The following DOCK2 variants were observed in gnomAD, a reference collection of about 807,000 sequenced individuals.
DOCK2 encodes the protein dedicator of cytokinesis protein 2.
Under a neutral mutation model 248.9 loss-of-function variants are expected in DOCK2, and 87 were observed. The observed-to-expected ratio is 0.35, with a 90% confidence interval of 0.29 to 0.42. DOCK2 has a LOEUF of 0.42. Ranked by LOEUF, DOCK2 falls within the 10% of genes least tolerant of loss-of-function variation. The pLI is 1.00. For synonymous variants in DOCK2, 805 were observed against 821.6 expected (o/e 0.98, Z 0.35); for missense variants, 1,747 against 2,300.2 (o/e 0.76, Z 4.92).
At chr5:169,810,094 G>C (rs1767644811) in intron 26 of DOCK2, among the ~76,000 whole-genome samples, 1 of 152,010 alleles carries the variant, frequency 6.6e-6, no homozygotes, top group Admixed American at 6.5e-5. Context: ...CCTGGCTCTT[G>C]AAGCTATCTG....
At chr5:170,053,496 T>C (rs924799054) in intron 41 of DOCK2, among the ~76,000 whole-genome samples, 5 of 152,220 alleles carry the variant, frequency 3.3e-5, no homozygotes, top group African/African-American at 1.2e-4. Flanking sequence ...TTTCCCTCCA[T>C]TGAAAACTCT....
At chr5:170,019,256 G>A in intron 33 of DOCK2, 148 bp downstream of exon 33, 3 of 1,264,376 alleles carry the variant, frequency 2.4e-6, no homozygotes, top group Non-Finnish European at 2.2e-6. Flanking sequence ...GAATGAGCTG[G>A]CAGATCAGAT....
intron 28 of DOCK2, 96 bp from the exon 29 acceptor site, chr5:169,985,732 C>A: frequency 1.1e-6 from 1 of 903,034 alleles, no homozygotes. Flanking sequence ...CCCTTTTCCT[C>A]CCTCCAAAAT....
At chr5:169,738,318 G>C (rs1763145424) in intron 22 of DOCK2, among the ~76,000 whole-genome samples, 1 of 152,186 alleles carries the variant, frequency 6.6e-6, no homozygotes, top group African/African-American at 2.4e-5. Context: ...AAGAAAATAA[G>C]AGAGAGGGAA....
intron 7 of DOCK2, 26 bp downstream of exon 7, chr5:169,681,905 C>T: frequency 6.2e-7 from 1 of 1,610,130 alleles, no homozygotes; most frequent in Non-Finnish European, 8.5e-7. Context: ...TAGGCTTTGG[C>T]CAAGTGATAC....
chr5:169,716,737 G>C (rs567206106), intron 20 of DOCK2, among the ~76,000 whole-genome samples: 91 of 152,184 alleles, frequency 6.0e-4, no homozygotes, highest in African/African-American at 2.1e-3. Flanking sequence ...AACTTTTCAT[G>C]ATGCTGTACC....
chr5:169,781,616 C>G (rs1350587743), intron 25 of DOCK2, among the ~76,000 whole-genome samples: 1 of 152,224 alleles, frequency 6.6e-6, no homozygotes, highest in Non-Finnish European at 1.5e-5. Context: ...ACATGAAAGA[C>G]ACAGAAGGAC....
At chr5:170,075,726 G>C (rs982822440) in intron 46 of DOCK2, 1 of 549,896 alleles carries the variant, frequency 1.8e-6, no homozygotes, top group Non-Finnish European at 3.2e-6. Context: ...TATGAGGCAA[G>C]GGAAGCTGGG....
chr5:169,798,118 T>G (rs1292971225), intron 25 of DOCK2, among the ~76,000 whole-genome samples: 1 of 152,222 alleles, frequency 6.6e-6, no homozygotes, highest in Non-Finnish European at 1.5e-5. Flanking sequence ...CTTCTCCTAG[T>G]GCCTGGTCTG....
At chr5:169,974,549 C>T (rs1777645062) in intron 27 of DOCK2, among the ~76,000 whole-genome samples, 1 of 152,172 alleles carries the variant, frequency 6.6e-6, no homozygotes, top group African/African-American at 2.4e-5. Context: ...GACACCTTTA[C>T]CCACAGAAGG....
chr5:169,786,814 A>G (rs1404449855), intron 25 of DOCK2, among the ~76,000 whole-genome samples: 2 of 152,242 alleles, frequency 1.3e-5, no homozygotes, highest in Admixed American at 1.3e-4. Flanking sequence ...TATATTTTAT[A>G]TAAAATTAAA....
At chr5:170,077,944 C>T in intron 48 of DOCK2, 107 bp downstream of exon 48, 2 of 936,746 alleles carry the variant, frequency 2.1e-6, no homozygotes, top group Non-Finnish European at 1.6e-6. Flanking sequence ...TTCCCTTCCT[C>T]CTTTCAGTTT....
At chr5:169,932,329 A>G (rs1775794730) in intron 27 of DOCK2, among the ~76,000 whole-genome samples, 1 of 152,170 alleles carries the variant, frequency 6.6e-6, no homozygotes, top group Non-Finnish European at 1.5e-5. Flanking sequence ...TCTAAGAGGT[A>G]GGAAGTGGTT....
At chr5:170,071,477 T>A (rs1459588052) in intron 46 of DOCK2, among the ~76,000 whole-genome samples, 3 of 152,268 alleles carry the variant, frequency 2.0e-5, no homozygotes. Flanking sequence ...TCAACGTTTT[T>A]GCAGATTTCA....
chr5:170,047,470 A>G (rs750142506), intron 39 of DOCK2, 40 bp from the exon 40 acceptor site: 13 of 1,584,250 alleles, frequency 8.2e-6, no homozygotes, highest in Non-Finnish European at 1.1e-5. Context: ...TGCCTTTGAT[A>G]CACATCTGTG....
chr5:169,900,259 T>C (rs1773847459), intron 27 of DOCK2, among the ~76,000 whole-genome samples: 1 of 152,190 alleles, frequency 6.6e-6, no homozygotes, highest in African/African-American at 2.4e-5. Flanking sequence ...TTGGGACCTT[T>C]AGACAACCCT....
At chr5:169,693,082 C>T (rs865875778) in intron 9 of DOCK2, among the ~76,000 whole-genome samples, 8 of 152,018 alleles carry the variant, frequency 5.3e-5, no homozygotes, top group East Asian at 1.9e-4. Context: ...GGGCCTCTGT[C>T]GCTCTGAAAG....
At chr5:169,905,343 C>T (rs1214038692) in intron 27 of DOCK2, among the ~76,000 whole-genome samples, 1 of 149,478 alleles carries the variant, frequency 6.7e-6, no homozygotes, top group African/African-American at 2.5e-5. Flanking sequence ...AATATCCCAA[C>T]TTTTAAATGT....
intron 27 of DOCK2, among the ~76,000 whole-genome samples, chr5:169,905,772 C>G (rs1334805543): frequency 6.6e-6 from 1 of 152,232 alleles, no homozygotes; most frequent in African/African-American, 2.4e-5. Flanking sequence ...GGGCTCACCA[C>G]AGCTGCGATT....
Sources: gnomAD v4.1 joint callset for allele counts (sites outside exome capture counted in the v4.1 genomes callset) on GRCh38, gnomAD v4.1.1 for gene constraint, MANE v1.5 for transcripts, NCBI Gene and HGNC (gene_info 2026-07-23, HGNC 2026-07-21) for gene names.